YWHAG: variants seen among roughly 807,000 people sequenced by gnomAD.
YWHAG encodes 14-3-3 protein gamma.
A neutral mutation model predicts 23.3 loss-of-function variants in YWHAG; 1 was observed. The ratio of observed to expected loss-of-function variants is 0.04; its 90% CI spans 0.02 to 0.20. The LOEUF is 0.20. Among genes scored for constraint, YWHAG ranks in the 10% least tolerant of loss-of-function variants. The probability of loss-of-function intolerance (pLI) is 1.00; values close to 1 mark genes in which losing one functional copy is unlikely to be tolerated. For missense variants in YWHAG, 151 were observed against 338.6 expected (o/e 0.45, Z 4.35); for synonymous variants, 160 against 144.0 (o/e 1.11, Z -0.80).
chr7:76,340,603 T>C (rs1273542039), intron 1 of YWHAG, among the ~76,000 whole-genome samples: 1 of 152,076 alleles, frequency 6.6e-6, no homozygotes, highest in Non-Finnish European at 1.5e-5. Context: ...TTAAAGAAAA[T>C]TAAGGCTCAG....
chr7:76,343,249 C>G (rs1424666945), intron 1 of YWHAG, among the ~76,000 whole-genome samples: 1 of 150,578 alleles, frequency 6.6e-6, no homozygotes. Context: ...GCCAGGGATG[C>G]TGCTGAACAC....
At chr7:76,350,497 T>C (rs906160497) in intron 1 of YWHAG, among the ~76,000 whole-genome samples, 1 of 152,116 alleles carries the variant, frequency 6.6e-6, no homozygotes, top group Non-Finnish European at 1.5e-5. Context: ...CCATCCTAAG[T>C]GGAGGAGCTT....
intron 1 of YWHAG, among the ~76,000 whole-genome samples, chr7:76,342,681 G>A (rs1038370024): frequency 1.3e-5 from 2 of 152,030 alleles, no homozygotes; most frequent in Non-Finnish European, 2.9e-5. Context: ...ATACCTTTCA[G>A]CCTGCTATTT....
intron 1 of YWHAG, among the ~76,000 whole-genome samples, chr7:76,355,393 T>G (rs576515767): frequency 6.6e-5 from 10 of 152,310 alleles, no homozygotes; most frequent in Admixed American, 5.2e-4. Context: ...CTCAGTAGAA[T>G]TCAAAAAACA....
intron 1 of YWHAG, among the ~76,000 whole-genome samples, chr7:76,339,208 G>A (rs1473676917): frequency 1.5e-5 from 2 of 135,258 alleles, no homozygotes; most frequent in African/African-American, 2.8e-5. Flanking sequence ...GGTGGCTCAC[G>A]CCTGTAATCC....
At chr7:76,358,324 G>T (rs1803992923) in intron 1 of YWHAG, among the ~76,000 whole-genome samples, 1 of 152,188 alleles carries the variant, frequency 6.6e-6, no homozygotes, top group Non-Finnish European at 1.5e-5. Context: ...AAGAGGAACC[G>T]CATCCATGCG....
Position 76,358,815 on chromosome 7 carries a change from G to C in YWHAG, c.-7C>G. 6.3e-7 allele frequency: 1 copy of C among 1,591,270 alleles called. No homozygotes were observed. On this transcript the variant is annotated 5_prime_UTR_variant, in exon 1 of 2. Transcript: ENST00000307630. The stretch of plus-strand genomic sequence containing the variant: ...GTTGCTCGCGGTCCACCATCTTCGC[G>C]GGGCTGGGTCTGGCCGGAGAAGGAG...
chr7:76,357,151 T>C (rs1803974120), intron 1 of YWHAG, among the ~76,000 whole-genome samples: 1 of 150,718 alleles, frequency 6.6e-6, no homozygotes, highest in Non-Finnish European at 1.5e-5. Flanking sequence ...ATTAAAACCT[T>C]GTAAGACAGC....
intron 1 of YWHAG, 71 bp downstream of exon 1, chr7:76,358,651 C>G: frequency 2.1e-6 from 3 of 1,439,504 alleles, no homozygotes; most frequent in Non-Finnish European, 2.8e-6. Flanking sequence ...GACGAAGCCC[C>G]GGGCCTTCCA....
At chr7:76,337,825 T>G (rs932744104) in intron 1 of YWHAG, among the ~76,000 whole-genome samples, 1 of 152,158 alleles carries the variant, frequency 6.6e-6, no homozygotes, top group Non-Finnish European at 1.5e-5. Flanking sequence ...CATGAGCCAC[T>G]GTGCCCGACC....
rs756765173 is a variant in YWHAG at position 76,329,552 on chromosome 7, G to A, written c.*25C>T. 4.6e-6 allele frequency: 7 copies of A among 1,514,716 alleles called. No individual in the cohort carries two copies. The highest frequency in any genetic ancestry group is 3.5e-5 in the South Asian group (3 of 86,374). The allele number at this position is 1,514,716 out of a possible 1,614,324, so 93.8% of individuals were successfully genotyped here. ...TAAAGACTGCAGTAGTAGCATCCGC[G>A]TGCGCTGCCAGTTCCCCTGGGGCCT... On this transcript the variant is annotated 3_prime_UTR_variant, in exon 2 of 2. Coordinates refer to ENST00000307630, the MANE Select transcript of YWHAG (RefSeq NM_012479.4). The surrounding 1 kb of genome is among the most constrained non-coding windows in gnomAD (Gnocchi z 6.1).
intron 1 of YWHAG, among the ~76,000 whole-genome samples, chr7:76,356,005 G>A (rs1803949940): frequency 6.6e-6 from 1 of 152,134 alleles, no homozygotes; most frequent in Admixed American, 6.5e-5. Context: ...GCACAATACA[G>A]TACTTCTGTC....
At chr7:76,344,241 T>C (rs954120478) in intron 1 of YWHAG, among the ~76,000 whole-genome samples, 9 of 152,096 alleles carry the variant, frequency 5.9e-5, no homozygotes, top group Non-Finnish European at 1.0e-4. Flanking sequence ...CTCCCAAGTA[T>C]CTGGGACCAC....
intron 1 of YWHAG, among the ~76,000 whole-genome samples, chr7:76,353,743 C>T (rs1214943332): frequency 2.0e-5 from 3 of 152,000 alleles, no homozygotes; most frequent in Non-Finnish European, 4.4e-5. Context: ...TATTGGTAGC[C>T]TTTGTAGAAA....
chr7:76,341,643 C>T (rs571511758), intron 1 of YWHAG, among the ~76,000 whole-genome samples: 13 of 151,996 alleles, frequency 8.6e-5, no homozygotes, highest in African/African-American at 2.4e-4. Flanking sequence ...TCCAAAAGAC[C>T]GCATATTGTT....
At chr7:76,340,068 G>A (rs573154978) in intron 1 of YWHAG, among the ~76,000 whole-genome samples, 2 of 152,106 alleles carry the variant, frequency 1.3e-5, no homozygotes, top group East Asian at 1.9e-4. Context: ...CTGCCTGGGC[G>A]ACACAGCGAG....
chr7:76,330,113 T>C lies in YWHAG; in HGVS notation c.208A>G (p.Thr70Ala). 1 of 1,614,148 alleles carries C rather than the reference T, an allele frequency of 6.2e-7. No homozygotes were observed. The highest frequency in any genetic ancestry group is 8.5e-7 in the Non-Finnish European group (1 of 1,180,032). ...TTCTTCTCATTGCCGTCTGCAGATG[T>C]CTTCTGCTCAATGCTACTGATGACC... is the stretch of plus-strand genomic sequence containing the variant. ...WRVISSIEQK[T>A]SADGNEKKIE... Residue 70 changes from threonine to alanine, a missense_variant, in exon 2 of 2, where the codon ACA becomes GCA. Physicochemically the swap from Thr to Ala is moderately conservative, Grantham distance 58. Coordinates refer to ENST00000307630, the MANE Select transcript of YWHAG (RefSeq NM_012479.4).
chr7:76,357,662 C>G (rs1803981155), intron 1 of YWHAG, among the ~76,000 whole-genome samples: 1 of 152,102 alleles, frequency 6.6e-6, no homozygotes, highest in African/African-American at 2.4e-5. Flanking sequence ...CAAAAAAAAG[C>G]CTCAGATGCA....
chr7:76,353,185 AC>A (rs2115652779), intron 1 of YWHAG, among the ~76,000 whole-genome samples: 1 of 152,062 alleles, frequency 6.6e-6, no homozygotes, highest in African/African-American at 2.4e-5. Flanking sequence ...ATAACTATTT[AC>A]CTTAAAATTA....
Sources: allele counts gnomAD v4.1 joint callset (sites outside exome capture counted in the v4.1 genomes callset), GRCh38; gene constraint gnomAD v4.1.1; non-coding constraint Gnocchi (gnomAD v3.1); transcripts MANE v1.5; gene names NCBI Gene and HGNC (gene_info 2026-07-23, HGNC 2026-07-21).